The following CTNNA2 variants were observed in gnomAD, a reference collection of about 807,000 sequenced individuals.
CTNNA2 encodes the protein catenin alpha 2, also known as catenin alpha-2.
CTNNA2 carries 42 observed loss-of-function variants against 101.0 expected under a neutral mutation model. The observed-to-expected ratio is 0.42, with a 90% CI of 0.32 to 0.54. The LOEUF (loss-of-function observed/expected upper bound fraction) is 0.54, where lower values mean the gene tolerates loss of function less well. Among genes scored for constraint, CTNNA2 ranks in the 20% least tolerant of loss-of-function variants. CTNNA2 has a pLI of 0.14. For missense variants in CTNNA2, 871 were observed against 1,223.1 expected, an observed-to-expected ratio of 0.71 and a Z score of 4.29; for synonymous variants, 450 against 456.4, an observed-to-expected ratio of 0.99 and a Z score of 0.18.
chr2:80,447,875 G>A lies in CTNNA2; in HGVS notation c.1290+28274G>A, dbSNP rs187028698. 1.3e-3 allele frequency among the ~76,000 whole-genome samples: 191 copies of A among 152,326 alleles called. 1 individual carries two copies. Among genetic ancestry groups the A allele is most frequent in the African/African-American group, 4.3e-3 (180 of 41,572 alleles). Reference sequence around the variant, plus strand: ...AGATGAGGTATGGCTGAGAAAGAACGCAGAAGCTTGCTCATTCTTCCAAGG... The same window carrying A: ...AGATGAGGTATGGCTGAGAAAGAACACAGAAGCTTGCTCATTCTTCCAAGG... On this transcript the variant is annotated intron_variant, in intron 9 of 18. Coordinates refer to ENST00000402739, the MANE Select transcript of CTNNA2 (RefSeq NM_001282597.3).
chr2:80,518,220 A>G (rs1689253286), intron 9 of CTNNA2, among the ~76,000 whole-genome samples: 1 of 152,220 alleles, frequency 6.6e-6, no homozygotes, highest in South Asian at 2.1e-4. Context: ...TTATTTAGTT[A>G]AAAGCAGAGT....
chr2:79,311,408 C>CAAAAAAAAAAAAAA (rs753633073), intron 2 of CTNNA2, among the ~76,000 whole-genome samples: 39 of 67,036 alleles, frequency 5.8e-4, no homozygotes, highest in African/African-American at 1.4e-3. Context: ...GACTCCGTCT[C>CAAAAAAAAAAAAAA]AAAAAAAAAA....
chr2:79,261,784 C>T (rs1051292059), intron 2 of CTNNA2, among the ~76,000 whole-genome samples: 4 of 152,224 alleles, frequency 2.6e-5, no homozygotes, highest in African/African-American at 9.6e-5. Flanking sequence ...GGCTTCAACC[C>T]ATAAATTTAC....
At chr2:79,913,220 T>A (rs4852541) in intron 7 of CTNNA2, among the ~76,000 whole-genome samples, 24,049 of 152,102 alleles carry the variant, frequency 0.16, 2,532 homozygotes, top group East Asian at 0.42. Context: ...AAGTTAAGAA[T>A]GGCCTAGGAA....
intron 9 of CTNNA2, among the ~76,000 whole-genome samples, chr2:80,479,688 C>G (rs1033885081): frequency 8.5e-5 from 13 of 152,086 alleles, no homozygotes; most frequent in Admixed American, 5.2e-4. Context: ...AAATGTACTG[C>G]CCTAAAAAAA....
chr2:79,697,898 C>T (rs924403450), intron 2 of CTNNA2: 2 of 151,834 alleles, frequency 1.3e-5, no homozygotes, highest in Non-Finnish European at 2.9e-5. Flanking sequence ...CAGTCTGCCC[C>T]AGGAACAACC....
At chr2:80,188,313 GTTTTTC>G (rs929513550) in intron 7 of CTNNA2, among the ~76,000 whole-genome samples, 28 of 152,260 alleles carry the variant, frequency 1.8e-4, no homozygotes, top group African/African-American at 5.5e-4. Context: ...AGATTTTTTA[GTTTTTC>G]TTTTTCTTTT....
chr2:80,400,715 C>T (rs971643862), intron 8 of CTNNA2, among the ~76,000 whole-genome samples: 10 of 152,148 alleles, frequency 6.6e-5, no homozygotes, highest in South Asian at 4.1e-4. Flanking sequence ...CTTAAATCTC[C>T]GTCAGTCATT....
chr2:80,407,880 A>G (rs1254177628), intron 8 of CTNNA2, among the ~76,000 whole-genome samples: 1 of 152,236 alleles, frequency 6.6e-6, no homozygotes, highest in Non-Finnish European at 1.5e-5. Context: ...ACGGCAGCAG[A>G]ACTCTGGAGA....
rs115346173 is a variant in CTNNA2 at position 79,695,679 on chromosome 2, T to C, written c.102+44021T>C. ...CCATAGACTGGCCAGGTCCACTCCA[T>C]GGTCTCTTATCAGGCAAAAAAGGAG... On this transcript the variant is annotated intron_variant, in intron 2 of 18. Transcript: ENST00000402739. 1.1e-3 allele frequency among the ~76,000 whole-genome samples: 163 copies of C among 152,016 alleles called. 1 individual carries two copies. Among genetic ancestry groups the C allele is most frequent in the African/African-American group, 3.8e-3 (159 of 41,502 alleles).
At chr2:80,058,528 C>T (rs1347002535) in intron 7 of CTNNA2, among the ~76,000 whole-genome samples, 7 of 152,142 alleles carry the variant, frequency 4.6e-5, no homozygotes, top group African/African-American at 9.7e-5. Context: ...GATTTTTGTT[C>T]TGAAGGAGTC....
intron 2 of CTNNA2, among the ~76,000 whole-genome samples, chr2:79,651,994 A>T (rs1179544518): frequency 6.6e-6 from 1 of 152,106 alleles, no homozygotes. Flanking sequence ...ATTAGGAAAA[A>T]CTGTGTTGAC....
At chr2:80,264,196 T>C (rs962076092) in intron 7 of CTNNA2, among the ~76,000 whole-genome samples, 1 of 152,164 alleles carries the variant, frequency 6.6e-6, no homozygotes, top group African/African-American at 2.4e-5. Context: ...GACAGATGCA[T>C]GTTGCCACAA....
chr2:79,907,045 C>A (rs1685473090), intron 6 of CTNNA2, among the ~76,000 whole-genome samples: 1 of 152,118 alleles, frequency 6.6e-6, no homozygotes. Flanking sequence ...CTGAAGAGTT[C>A]AAATTTACCT....
At chr2:80,312,240 C>A (rs548521917) in intron 7 of CTNNA2, among the ~76,000 whole-genome samples, 1 of 152,330 alleles carries the variant, frequency 6.6e-6, no homozygotes, top group African/African-American at 2.4e-5. Context: ...TTACTCCTTA[C>A]GCAGGTAGCC....
chr2:79,518,818 G>GTTT (rs909625348), intron 1 of CTNNA2, among the ~76,000 whole-genome samples: 2 of 152,110 alleles, frequency 1.3e-5, no homozygotes, highest in African/African-American at 4.8e-5. Flanking sequence ...GTCTTTTAGA[G>GTTT]TTTACCACTT....
At chr2:79,818,406 G>A (rs767770406) in intron 3 of CTNNA2, among the ~76,000 whole-genome samples, 36 of 151,878 alleles carry the variant, frequency 2.4e-4, no homozygotes, top group Admixed American at 9.2e-4. Context: ...TCTGCATTCC[G>A]GTTTCAAGTG....
chr2:79,381,051 A>AT (rs975721024), intron 4 of CTNNA2, among the ~76,000 whole-genome samples: 1 of 152,184 alleles, frequency 6.6e-6, no homozygotes, highest in South Asian at 2.1e-4. Flanking sequence ...TTTTTGTAGA[A>AT]TTTTTCGGGG....
At chr2:80,463,711 G>A (rs1475559548) in intron 9 of CTNNA2, among the ~76,000 whole-genome samples, 9 of 152,080 alleles carry the variant, frequency 5.9e-5, no homozygotes, top group African/African-American at 9.7e-5. Flanking sequence ...CTGTGAAGTA[G>A]ATCTTCATAT....
Sources: allele counts gnomAD v4.1 joint callset (sites outside exome capture counted in the v4.1 genomes callset), GRCh38; gene constraint gnomAD v4.1.1; transcripts MANE v1.5; gene names NCBI Gene and HGNC (gene_info 2026-07-23, HGNC 2026-07-21).